ADAR: variants seen among roughly 807,000 people sequenced by gnomAD.
The protein encoded by ADAR is double-stranded RNA-specific adenosine deaminase.
In ADAR, 41 loss-of-function variants were observed where a neutral mutation model predicts 113.2. The observed-to-expected ratio is 0.36, with a 90% CI of 0.28 to 0.47. ADAR has a LOEUF of 0.47. ADAR is among the 20% of genes least tolerant of loss of function. The pLI is 1.00. For missense variants in ADAR, 1,242 were observed against 1,540.9 expected (o/e 0.81, Z 3.25); for synonymous variants, 605 against 572.6 (o/e 1.06, Z -0.81).
chr1:154,588,411 C>T (rs1553208562), intron 10 of ADAR, 140 bp downstream of exon 10: 7 of 1,489,546 alleles, frequency 4.7e-6, no homozygotes, highest in Admixed American at 1.7e-5. Flanking sequence ...GAGTCATCTA[C>T]ACCTGAATAT....
Position 154,602,230 on chromosome 1 carries a change from C to G in ADAR, c.412G>C (p.Asp138His). 1 of 1,614,210 alleles carries G rather than the reference C, an allele frequency of 6.2e-7. No homozygotes were observed. Among genetic ancestry groups the G allele is most frequent in the Admixed American group, 1.7e-5 (1 of 60,026 alleles). The stretch of plus-strand genomic sequence containing the variant: ...AACTTTAAGATCCTTTGTTCCTGAT[C>G]TTGGTAGATACTCAGTTCCTGGAAA... Reference protein sequence around the residue: ...SHFQELSIYQDQEQRILKFLE... With the variant: ...SHFQELSIYQHQEQRILKFLE... Residue 138 changes from aspartate (D) to histidine (H), a missense_variant, in exon 2 of 15, where the codon GAT (aspartate) becomes CAT (histidine). Transcript: ENST00000368474.
chr1:154,601,184 G>A lies in ADAR; in HGVS notation c.1458C>T (p.Gly486=). 1 of 1,614,240 alleles carries A rather than the reference G, an allele frequency of 6.2e-7. No individual in the cohort carries two copies. The highest frequency in any genetic ancestry group is 8.5e-7 in the Non-Finnish European group (1 of 1,180,044). The change falls in exon 2 of 15, where the codon GGC becomes GGT. Residue 486 remains glycine, a synonymous_variant. Coordinates refer to ENST00000368474, the MANE Select transcript of ADAR (RefSeq NM_001111.5). This position sits in a 1 kb window ranked among gnomAD's most constrained non-coding sequence, Gnocchi z 4.7. ...IMEMPSFYSH[G]LPRCSPYKKL... The stretch of plus-strand genomic sequence containing the variant: ...TCTTGTAGGGTGAACACCGTGGCAA[G>A]CCATGACTGTAGAAGGAGGGCATCT...
intron 11 of ADAR, among the ~76,000 whole-genome samples, chr1:154,586,946 C>T (rs1002278797): frequency 2.0e-5 from 3 of 151,140 alleles, no homozygotes; most frequent in Non-Finnish European, 2.9e-5. Context: ...AAACCACTAT[C>T]GGGTTTAAAA....
chr1:154,596,896 G>A lies in ADAR; in HGVS notation c.2179C>T (p.Pro727Ser), dbSNP rs2101619511. The stretch of plus-strand genomic sequence containing the variant: ...GCGTACTCCAAAAGGCCACCCACAG[G>A]GTTGGTGTTCAGGTATCTCACGAGC... ...GELVRYLNTNPVGGLLEYARS... is the reference protein window; with the variant it reads ...GELVRYLNTNSVGGLLEYARS... Residue 727 changes from proline to serine, a missense_variant, in exon 6 of 15, where the codon CCT becomes TCT. This residue lies in a region of ADAR where 780 missense variants were observed against 1,057.9 expected (regional missense o/e 0.74). Transcript: ENST00000368474. 6.2e-7 allele frequency: 1 copy of A among 1,614,134 alleles called. No individual in the cohort carries two copies. The highest frequency in any genetic ancestry group is 8.5e-7 in the Non-Finnish European group (1 of 1,180,020).
intron 1 of ADAR, among the ~76,000 whole-genome samples, chr1:154,626,003 C>CAAA (rs60388172): frequency 2.5e-4 from 21 of 82,422 alleles, no homozygotes; most frequent in African/African-American, 9.5e-4. Context: ...GACTCTGTCT[C>CAAA]AAAAAAAAAA....
At chr1:154,592,327 C>A in intron 6 of ADAR, among the ~76,000 whole-genome samples, 1 of 152,216 alleles carries the variant, frequency 6.6e-6, no homozygotes, top group East Asian at 1.9e-4. Context: ...ATTCTCGCTG[C>A]AACTCCAGCC....
intron 8 of ADAR, 98 bp from the exon 9 acceptor site, chr1:154,589,560 C>A (rs1023512143): frequency 7.9e-7 from 1 of 1,265,870 alleles, no homozygotes; most frequent in Non-Finnish European, 1.1e-6. Flanking sequence ...GCAGAAACAG[C>A]CTCAGTTTCT....
At chr1:154,607,892 AACACTCACAAG>A (rs891666165) in intron 1 of ADAR, 89 bp downstream of exon 1, 14 of 1,527,908 alleles carry the variant, frequency 9.2e-6, no homozygotes, top group Non-Finnish European at 1.2e-5. Flanking sequence ...CACACACTCT[AACACTCACAAG>A]ACGCACACGC....
At position 154,601,169 on chromosome 1, in the gene ADAR, T is replaced by A; in HGVS notation, c.1473A>T (p.Ser491=). 6.2e-7 allele frequency: 1 copy of A among 1,614,198 alleles called. No individual in the cohort carries two copies. Among genetic ancestry groups the A allele is most frequent in the Non-Finnish European group, 8.5e-7 (1 of 1,180,026 alleles). The change falls in exon 2 of 15, where the codon TCA becomes TCT. Residue 491 remains serine, a synonymous_variant. Coordinates refer to ENST00000368474, the MANE Select transcript of ADAR (RefSeq NM_001111.5). This position sits in a 1 kb window ranked among gnomAD's most constrained non-coding sequence, Gnocchi z 4.7. ...SFYSHGLPRC[S]PYKKLTECQL... ...GGCACTCTGTCAGTTTCTTGTAGGG[T>A]GAACACCGTGGCAAGCCATGACTGT...
rs761590986 is a variant in ADAR, at chr1:154,586,276, C to T, written c.3107G>A (p.Cys1036Tyr). 1 of 1,614,202 alleles carries T rather than the reference C, an allele frequency of 6.2e-7. No homozygotes were observed. Among genetic ancestry groups the T allele is most frequent in the Non-Finnish European group, 8.5e-7 (1 of 1,180,040 alleles). The change falls in exon 12 of 15, where the codon TGT becomes TAT. Residue 1036 changes from cysteine (C) to tyrosine (Y), a missense_variant. Cys to Tyr is a radical substitution (Grantham distance 194, BLOSUM62 -2). Around this residue, in one of 2 missense-constraint regions of ADAR, gnomAD observed 780 missense variants for 1,057.9 expected, o/e 0.74. Transcript: ENST00000368474. ...RLGERLRTMS[C>Y]SDKILRWNVL... Reference sequence around the variant, plus strand: ...GTTCCAGCGTAGGATTTTGTCACTACAGGACATGGTACGGAGTCTCTCCCC... The same window carrying T: ...GTTCCAGCGTAGGATTTTGTCACTATAGGACATGGTACGGAGTCTCTCCCC...
Position 154,596,035 on chromosome 1 carries a change from T to C in ADAR, c.2270+770A>G, listed in dbSNP as rs188016728. Among the ~76,000 whole-genome samples the C allele has an allele frequency of 3.3e-3, 500 of 152,312 alleles. 1 individual carries two copies. Among genetic ancestry groups the C allele is most frequent in the African/African-American group, 0.011 (463 of 41,574 alleles). Reference sequence around the variant, plus strand: ...TTTGTAGCCTAGGAGCAACCGGCCATACCATACAGCCTGTACGTGTGTAGG... The same window carrying C: ...TTTGTAGCCTAGGAGCAACCGGCCACACCATACAGCCTGTACGTGTGTAGG... On this transcript the variant is annotated intron_variant, in intron 6 of 14. Coordinates refer to ENST00000368474, the MANE Select transcript of ADAR (RefSeq NM_001111.5).
At chr1:154,599,482 C>G (rs1697721103) in intron 2 of ADAR, among the ~76,000 whole-genome samples, 1 of 152,220 alleles carries the variant, frequency 6.6e-6, no homozygotes, top group African/African-American at 2.4e-5. Context: ...CAATCCAGCT[C>G]TGGCCTTGCC....
chr1:154,627,914 A>ACCCCCCCCCCCCCCCCCCCCCCCCCCC, exon 1 of ADAR: 5 of 463,312 alleles, frequency 1.1e-5, no homozygotes, highest in South Asian at 3.0e-5. Flanking sequence ...TGCGGCCGCG[A>ACCCCCCCCCCCCCCCCCCCCCCCCCCC]CCCTCCCCCC....
chr1:154,583,280 C>T lies in ADAR; in HGVS notation c.*1526G>A, dbSNP rs760149377. 3.9e-5 allele frequency: 6 copies of T among 152,260 alleles called. No homozygotes were observed. The highest frequency in any genetic ancestry group is 1.4e-4 in the African/African-American group (6 of 41,454). The allele number at this position is 152,260 out of a possible 1,614,324, so 9.4% of individuals were successfully genotyped here. On this transcript the variant is annotated 3_prime_UTR_variant, in exon 15 of 15. Transcript: ENST00000368474. ...CCATCACCACGGCACCAAGTCTATG[C>T]TTGGGCTCTTCCCTGCTCTGCTCTT... is the stretch of plus-strand genomic sequence containing the variant.
intron 1 of ADAR, among the ~76,000 whole-genome samples, chr1:154,604,179 C>T (rs1035716452): frequency 2.0e-5 from 3 of 152,214 alleles, no homozygotes; most frequent in African/African-American, 7.2e-5. Flanking sequence ...ATTTACAATT[C>T]ATTTACCATG....
rs1291931048 is a variant in ADAR at position 154,590,425 on chromosome 1, CAG to C, written c.2271-18_2271-17del. 22 of 1,612,822 alleles carry C rather than the reference CAG, an allele frequency of 1.4e-5. No individual in the cohort carries two copies. The highest frequency in any genetic ancestry group is 1.8e-5 in the Non-Finnish European group (21 of 1,179,000). ...GTAAACGAACCTTTGGGATGAGAAA[CAG>C]AGAATGAAGACAAGTGCCAGACCCT... On this transcript the variant is annotated splice_polypyrimidine_tract_variant and intron_variant, in intron 6 of 14. Coordinates refer to ENST00000368474, the MANE Select transcript of ADAR (RefSeq NM_001111.5).
chr1:154,612,530 T>C (rs1487762205), upstream of ADAR, among the ~76,000 whole-genome samples: 1 of 151,844 alleles, frequency 6.6e-6, no homozygotes, highest in Non-Finnish European at 1.5e-5. Flanking sequence ...GGTTTCACTG[T>C]GTTAGCCAGG....
intron 6 of ADAR, among the ~76,000 whole-genome samples, chr1:154,593,163 A>G (rs955050151): frequency 5.3e-5 from 8 of 151,178 alleles, no homozygotes; most frequent in Middle Eastern, 3.4e-3. Context: ...AAAACAGAAA[A>G]GAAGTCATAA....
At chr1:154,600,757 C>CCA (rs1697816248) in intron 2 of ADAR, 1 of 475,910 alleles carries the variant, frequency 2.1e-6, no homozygotes, top group Non-Finnish European at 3.8e-6. Context: ...CAGGCATGAG[C>CCA]CACCGCGTAC....
Sources: gnomAD v4.1 joint callset for allele counts (sites outside exome capture counted in the v4.1 genomes callset) on GRCh38, gnomAD v4.1.1 for gene constraint, gnomAD v4.1.1 regional missense constraint, Gnocchi (gnomAD v3.1) non-coding constraint, MANE v1.5 for transcripts, NCBI Gene and HGNC (gene_info 2026-07-23, HGNC 2026-07-21) for gene names.